The following NFATC4 variants were observed in gnomAD, a reference collection of about 807,000 sequenced individuals.
NFATC4 encodes nuclear factor of activated T-cells, cytoplasmic 4.
A neutral mutation model predicts 73.4 loss-of-function variants in NFATC4; 25 were observed. The observed-to-expected ratio is 0.34, with a 90% CI of 0.25 to 0.48. The LOEUF (loss-of-function observed/expected upper bound fraction) is 0.48. Among genes scored for constraint, NFATC4 ranks in the 20% least tolerant of loss-of-function variants. The pLI is 0.99. For synonymous variants in NFATC4, 523 were observed against 510.3 expected (o/e 1.02, Z -0.34); for missense variants, 1,130 against 1,203.7 (o/e 0.94, Z 0.91).
intron 6 of NFATC4, 84 bp from the exon 7 acceptor site, chr14:24,375,576 T>C: frequency 6.7e-7 from 1 of 1,484,694 alleles, no homozygotes; most frequent in Non-Finnish European, 9.2e-7. Context: ...GCCTTGGCTC[T>C]AACAGGAGGG....
At position 24,376,623 on chromosome 14, in the gene NFATC4, G is replaced by A; in HGVS notation, c.2386G>A (p.Gly796Ser). Residue 796 changes from glycine (G) to serine (S), a missense_variant, in exon 9 of 10, where the codon GGC becomes AGC. Around this residue, in one of 3 missense-constraint regions of NFATC4, gnomAD observed 390 missense variants for 408.1 expected, o/e 0.96. Transcript: ENST00000250373. This position sits in a 1 kb window ranked among gnomAD's most constrained non-coding sequence, Gnocchi z 5.0. ...CCCTAGTGACCCGTATGGAGGGCGG[G>A]GCTCCTCTTTCTCCCTGGGGCTGCC... ...PFPSDPYGGRGSSFSLGLPFS... is the reference protein window; with the variant it reads ...PFPSDPYGGRSSSFSLGLPFS... The A allele has an allele frequency of 6.2e-7, 1 of 1,613,548 alleles. No individual in the cohort carries two copies. The highest frequency in any genetic ancestry group is 8.5e-7 in the Non-Finnish European group (1 of 1,179,864).
Position 24,369,589 on chromosome 14 carries a change from C to A in NFATC4, c.191C>A (p.Pro64His). Residue 64 changes from proline to histidine, a missense_variant, in exon 2 of 10, where the codon CCT becomes CAT. This residue lies in a region of NFATC4 where 585 missense variants were observed against 574.3 expected (regional missense o/e 1.02). Transcript: ENST00000250373. ...GCTGCACCTATCGGTATTCCCCGAC[C>A]TCCACCCCCTCGGCCTGGCATGCAT... ...YGAAPIGIPR[P>H]PPPRPGMHSP... The A allele has an allele frequency of 6.2e-7, 1 of 1,613,242 alleles. No individual in the cohort carries two copies. The highest frequency in any genetic ancestry group is 8.5e-7 in the Non-Finnish European group (1 of 1,179,704).
intron 2 of NFATC4, 109 bp from the exon 3 acceptor site, chr14:24,372,332 T>C: frequency 8.5e-7 from 1 of 1,182,590 alleles, no homozygotes; most frequent in Non-Finnish European, 1.2e-6. Context: ...TTATTTCTTC[T>C]GTGCTTTCCT....
rs767727784 is a variant in NFATC4 at position 24,377,922 on chromosome 14, G to C, written c.*217G>C. 1.3e-5 allele frequency: 12 copies of C among 912,580 alleles called. No individual in the cohort carries two copies. Among genetic ancestry groups the C allele is most frequent in the South Asian group, 1.8e-5 (1 of 56,628 alleles). 56.5% of individuals were successfully genotyped at this position (912,580 alleles called of 1,614,324 possible). On this transcript the variant is annotated 3_prime_UTR_variant, in exon 10 of 10. Transcript: ENST00000250373. The surrounding 1 kb of genome is among the most constrained non-coding windows in gnomAD (Gnocchi z 4.2). ...GGAGGGCTGGGGGAAGGAGTGTGTG[G>C]AGGAGGGAGGAGGGTGAAGACTGAG...
chr14:24,374,401 A>G lies in NFATC4; in HGVS notation c.1808A>G (p.Glu603Gly), dbSNP rs1290527250. 1.2e-6 allele frequency: 2 copies of G among 1,613,902 alleles called. No homozygotes were observed. The highest frequency in any genetic ancestry group is 1.7e-6 in the Non-Finnish European group (2 of 1,179,988). Residue 603 changes from glutamate (E) to glycine (G), a missense_variant, in exon 6 of 10, where the codon GAA becomes GGA. Glu to Gly is a moderately conservative substitution (Grantham distance 98, BLOSUM62 -2). Around this residue, in one of 3 missense-constraint regions of NFATC4, gnomAD observed 390 missense variants for 408.1 expected, o/e 0.96. Transcript: ENST00000250373. Reference protein sequence around the residue: ...PSACSVRGGEELVLTGSNFLP... With the variant: ...PSACSVRGGEGLVLTGSNFLP... ...GCCTGCTCTGTGAGAGGAGGCGAGGAACTGGTACTGACTGGCTCCAACTTC... is the reference window on the plus strand; with the variant it reads ...GCCTGCTCTGTGAGAGGAGGCGAGGGACTGGTACTGACTGGCTCCAACTTC...
chr14:24,367,991 AG>A, upstream of NFATC4: 2 of 958,296 alleles, frequency 2.1e-6, no homozygotes, highest in Non-Finnish European at 2.4e-6. Flanking sequence ...TTTCCAATTC[AG>A]TTTTTTTTTT....
Position 24,376,190 on chromosome 14 carries a change from CAAGGGGTG to C in NFATC4, c.2056+92_2057-94del, listed in dbSNP as rs1450845359. On this transcript the variant is annotated intron_variant, in intron 8 of 9. Transcript: ENST00000250373. The surrounding 1 kb of genome is among the most constrained non-coding windows in gnomAD (Gnocchi z 5.0). ...GGAAGCAGTACTCATCATGAGGGGC[CAAGGGGTG>C]AATGGAACCTGGGAGGAGCAGGCAG... The C allele has an allele frequency of 1.9e-6, 3 of 1,592,982 alleles. No homozygotes were observed. In the African/African-American group the frequency reaches 4.0e-5, roughly 21 times the overall value.
chr14:24,367,533 C>G (rs2042338840), upstream of NFATC4: 1 of 1,535,874 alleles, frequency 6.5e-7, no homozygotes, highest in Admixed American at 2.0e-5. Flanking sequence ...TCGGACTGCT[C>G]CCAGAGGCAT....
chr14:24,375,142 C>T (rs566094529), intron 6 of NFATC4, among the ~76,000 whole-genome samples: 2 of 152,088 alleles, frequency 1.3e-5, no homozygotes, highest in Admixed American at 6.5e-5. Context: ...CTCAAGTGAT[C>T]CTTCCACCTT....
In NFATC4 at chr14:24,373,763, T is replaced by A. The variant is rs1392510451; in HGVS notation, c.1628T>A (p.Ile543Asn). 1 of 1,613,980 alleles carries A rather than the reference T, an allele frequency of 6.2e-7. No individual in the cohort carries two copies. The highest frequency in any genetic ancestry group is 8.5e-7 in the Non-Finnish European group (1 of 1,180,014). Residue 543 changes from isoleucine to asparagine, a missense_variant, in exon 5 of 10, where the codon ATC becomes AAC. Ile to Asn is a moderately radical substitution (Grantham distance 149, BLOSUM62 -3). Transcript: ENST00000250373. This position sits in a 1 kb window ranked among gnomAD's most constrained non-coding sequence, Gnocchi z 4.7. ...DIELRKGETD[I>N]GRKNTRVRLV... ...GAGCTTCGGAAGGGTGAGACGGACA[T>A]CGGGCGCAAAAACACACGTGTACGG...
upstream of NFATC4, chr14:24,367,473 C>T: frequency 2.0e-6 from 3 of 1,535,672 alleles, no homozygotes; most frequent in Non-Finnish European, 2.6e-6. Context: ...CCTGGATCTA[C>T]GCCCATCAAG....
intron 1 of NFATC4, chr14:24,369,144 A>G: frequency 2.8e-6 from 4 of 1,450,720 alleles, no homozygotes; most frequent in Non-Finnish European, 3.6e-6. Context: ...ACCGCTGCTA[A>G]TTGGGTTCAT....
intron 1 of NFATC4, among the ~76,000 whole-genome samples, chr14:24,368,730 C>A (rs1046626782): frequency 1.1e-4 from 16 of 152,058 alleles, no homozygotes; most frequent in Non-Finnish European, 1.8e-4. Context: ...ACGGCCCCAA[C>A]AGCACCAGGC....
At position 24,372,450 on chromosome 14, in the gene NFATC4, C is replaced by T. The variant is rs2042498601; in HGVS notation, c.1206C>T (p.Ala402=). The change falls in exon 3 of 10, where the codon GCC becomes GCT. Residue 402 remains alanine (A), a synonymous_variant. Transcript: ENST00000250373. ...CTTCTCTCCCACCCAGGACCTCTGC[C>T]CTACCCCCACTGGACTGGCCTCTGC... is the stretch of plus-strand genomic sequence containing the variant. ...GGHSPIFRTS[A]LPPLDWPLPS... The T allele has an allele frequency of 6.2e-7, 1 of 1,613,404 alleles. No individual in the cohort carries two copies.
chr14:24,368,118 A>C, upstream of NFATC4: 1 of 1,159,726 alleles, frequency 8.6e-7, no homozygotes. Flanking sequence ...CCGGCAGCCA[A>C]TCAGGGACAG....
rs1354096189 is a variant in NFATC4 at position 24,370,463 on chromosome 14, C to T, written c.1065C>T (p.Pro355=). The part of the protein sequence containing the change: ...EEPASCNGKL[P]LGAEESVAPP... Reference sequence around the variant, plus strand: ...CTGCCTCATGCAATGGGAAGCTGCCCTTGGGAGCAGAGGAGTCTGTGGCTC... The same window carrying T: ...CTGCCTCATGCAATGGGAAGCTGCCTTTGGGAGCAGAGGAGTCTGTGGCTC... Residue 355 remains proline (P), a synonymous_variant, in exon 2 of 10, where the codon CCC becomes CCT. Coordinates refer to ENST00000250373, the MANE Select transcript of NFATC4 (RefSeq NM_004554.5). The T allele has an allele frequency of 6.2e-7, 1 of 1,614,166 alleles. No homozygotes were observed. Among genetic ancestry groups the T allele is most frequent in the South Asian group, 1.1e-5 (1 of 91,092 alleles).
At position 24,369,500 on chromosome 14, in the gene NFATC4, A is replaced by T; in HGVS notation, c.102A>T (p.Glu34Asp). The T allele has an allele frequency of 6.2e-7, 1 of 1,611,972 alleles. No homozygotes were observed. The highest frequency in any genetic ancestry group is 8.5e-7 in the Non-Finnish European group (1 of 1,178,768). ...PPLGAGGLGE[E>D]LDSEDAPPCC... ...CTGCTCCTCTTCCCATTTTGACAGA[A>T]CTGGACTCAGAGGATGCCCCGCCAT... The change falls in exon 2 of 10, where the codon GAA becomes GAT. Residue 34 changes from glutamate to aspartate, a missense_variant and splice_region_variant. Physicochemically the swap from Glu to Asp is conservative, Grantham distance 45 (BLOSUM62 2). This residue lies in a region of NFATC4 where 585 missense variants were observed against 574.3 expected (regional missense o/e 1.02). Transcript: ENST00000250373.
Position 24,369,570 on chromosome 14 carries a change from C to A in NFATC4, c.172C>A (p.Pro58Thr), listed in dbSNP as rs776369397. 2.5e-6 allele frequency: 4 copies of A among 1,612,430 alleles called. No homozygotes were observed. Among genetic ancestry groups the A allele is most frequent in the African/African-American group, 2.7e-5 (2 of 74,902 alleles). ...LGEPPPYGAA[P>T]IGIPRPPPPR... The stretch of plus-strand genomic sequence containing the variant: ...AGAGCCCCCTCCCTATGGCGCTGCA[C>A]CTATCGGTATTCCCCGACCTCCACC... Residue 58 changes from proline to threonine, a missense_variant, in exon 2 of 10, where the codon CCT becomes ACT. This residue lies in a region of NFATC4 where 585 missense variants were observed against 574.3 expected (regional missense o/e 1.02). Transcript: ENST00000250373.
At chr14:24,367,746 AG>A, upstream of NFATC4, 1 of 1,429,930 alleles carries the variant, frequency 7.0e-7, no homozygotes, top group Admixed American at 2.6e-5. Flanking sequence ...TTGGAGGGAA[AG>A]GGGAGGAGAA....
Sources: allele counts gnomAD v4.1 joint callset (sites outside exome capture counted in the v4.1 genomes callset), GRCh38; gene constraint gnomAD v4.1.1; regional missense constraint gnomAD v4.1.1; non-coding constraint Gnocchi (gnomAD v3.1); transcripts MANE v1.5; gene names NCBI Gene and HGNC (gene_info 2026-07-23, HGNC 2026-07-21).